The following PDE4D variants were observed in gnomAD, a reference collection of about 807,000 sequenced individuals.
PDE4D encodes phosphodiesterase 4D.
A neutral mutation model predicts 87.4 loss-of-function variants in PDE4D; 24 were observed. The observed-to-expected ratio is 0.27, with a 90% CI of 0.20 to 0.39. The LOEUF (loss-of-function observed/expected upper bound fraction) is 0.39, where lower values mean the gene tolerates loss of function less well. Ranked by LOEUF, PDE4D falls within the 10% of genes least tolerant of loss-of-function variation. PDE4D has a pLI of 1.00. For synonymous variants in PDE4D, 384 were observed against 383.2 expected (o/e 1.00, Z -0.02); for missense variants, 714 against 1,041.0 (o/e 0.69, Z 4.32).
chr5:59,994,781 T>A (rs1371296638), intron 2 of PDE4D, among the ~76,000 whole-genome samples: 1 of 152,178 alleles, frequency 6.6e-6, no homozygotes, highest in Non-Finnish European at 1.5e-5. Context: ...TCCACAAAAA[T>A]TTAGCATTTT....
At chr5:60,159,140 C>G (rs1242303998) in intron 2 of PDE4D, among the ~76,000 whole-genome samples, 3 of 152,064 alleles carry the variant, frequency 2.0e-5, no homozygotes, top group Non-Finnish European at 4.4e-5. Flanking sequence ...TTAGCCTAGG[C>G]CTACACAGGA....
At chr5:60,070,702 G>A (rs1014817008) in intron 2 of PDE4D, among the ~76,000 whole-genome samples, 6 of 151,872 alleles carry the variant, frequency 4.0e-5, no homozygotes, top group African/African-American at 1.2e-4. Context: ...TAATGAATTT[G>A]GACATGTTCC....
At chr5:59,285,819 T>C (rs1766836043) in intron 1 of PDE4D, among the ~76,000 whole-genome samples, 1 of 152,176 alleles carries the variant, frequency 6.6e-6, no homozygotes, top group South Asian at 2.1e-4. Flanking sequence ...TTGTGTCATC[T>C]TATAAAATCT....
rs367566726 is a variant in PDE4D at position 59,185,270 on chromosome 5, A to G, written c.685-8T>C. On this transcript the variant is annotated splice_polypyrimidine_tract_variant and splice_region_variant and intron_variant, in intron 3 of 14. Coordinates refer to ENST00000340635, the MANE Select transcript of PDE4D (RefSeq NM_001104631.2). The stretch of plus-strand genomic sequence containing the variant: ...TCGCAGACTGGCCAAGACCTACAAC[A>G]AGAAAGGATTCTTGAAACTTCTTGA... 4.9e-5 allele frequency: 79 copies of G among 1,598,902 alleles called. No individual in the cohort carries two copies. The African/African-American group carries it at 9.8e-4, about 20-fold the overall frequency.
intron 5 of PDE4D, chr5:59,166,297 T>C (rs1781917398): frequency 1.3e-5 from 2 of 152,222 alleles, no homozygotes; most frequent in Admixed American, 6.5e-5. Context: ...CAGGTTAATT[T>C]CCTCTGCTGC....
chr5:60,323,042 T>C (rs1756458483), intron 1 of PDE4D, among the ~76,000 whole-genome samples: 1 of 152,240 alleles, frequency 6.6e-6, no homozygotes, highest in South Asian at 2.1e-4. Context: ...TGTAGGTTGA[T>C]CTTCGTTCAC....
chr5:59,386,124 G>C (rs1041171468), intron 1 of PDE4D, among the ~76,000 whole-genome samples: 1 of 152,136 alleles, frequency 6.6e-6, no homozygotes, highest in African/African-American at 2.4e-5. Context: ...TTTAATTACA[G>C]ATAATATGAA....
At chr5:60,498,827 T>C (rs1749938677) in intron 1 of PDE4D, among the ~76,000 whole-genome samples, 1 of 152,186 alleles carries the variant, frequency 6.6e-6, no homozygotes, top group South Asian at 2.1e-4. Flanking sequence ...TATAAGGGCT[T>C]CTGCCTTAGC....
intron 5 of PDE4D, among the ~76,000 whole-genome samples, chr5:59,105,172 A>G (rs904713012): frequency 6.6e-6 from 1 of 152,220 alleles, no homozygotes; most frequent in Non-Finnish European, 1.5e-5. Context: ...TATACACCAT[A>G]TAGCCAAAAA....
At chr5:60,071,008 G>A (rs968895042) in intron 2 of PDE4D, among the ~76,000 whole-genome samples, 1 of 151,586 alleles carries the variant, frequency 6.6e-6, no homozygotes, top group Admixed American at 6.6e-5. Flanking sequence ...TTCTTATTTT[G>A]TGGCATCATT....
chr5:59,529,028 A>C, intron 1 of PDE4D: 9 of 474,072 alleles, frequency 1.9e-5, no homozygotes, highest in South Asian at 1.4e-4. Context: ...AACCAACTCT[A>C]ACCACCAAGG....
At chr5:60,415,158 T>C (rs1016145728) in intron 1 of PDE4D, among the ~76,000 whole-genome samples, 1 of 152,262 alleles carries the variant, frequency 6.6e-6, no homozygotes, top group African/African-American at 2.4e-5. Flanking sequence ...CAGCACCTAT[T>C]TCCTAGACCC....
chr5:59,375,066 C>T (rs1389023918), intron 1 of PDE4D, among the ~76,000 whole-genome samples: 1 of 152,066 alleles, frequency 6.6e-6, no homozygotes, highest in African/African-American at 2.4e-5. Flanking sequence ...GCATGAAATG[C>T]CCAAATCAAA....
At chr5:59,684,515 T>C (rs1456214794) in intron 1 of PDE4D, among the ~76,000 whole-genome samples, 1 of 152,152 alleles carries the variant, frequency 6.6e-6, no homozygotes, top group African/African-American at 2.4e-5. Context: ...GTAACCTTCA[T>C]GAAGGAAGTG....
chr5:59,927,131 T>G (rs1219073149), intron 3 of PDE4D, among the ~76,000 whole-genome samples: 1 of 152,146 alleles, frequency 6.6e-6, no homozygotes, highest in East Asian at 1.9e-4. Context: ...TGCATTTGAG[T>G]GTTTGAGCTG....
chr5:59,351,140 C>T (rs1341565885), intron 1 of PDE4D, among the ~76,000 whole-genome samples: 1 of 152,142 alleles, frequency 6.6e-6, no homozygotes. Flanking sequence ...TACATGCTTT[C>T]ATCTAATCTG....
chr5:60,141,911 T>G (rs1175224106), intron 2 of PDE4D, among the ~76,000 whole-genome samples: 3 of 152,144 alleles, frequency 2.0e-5, no homozygotes, highest in African/African-American at 7.2e-5. Context: ...ATTTGCTCAA[T>G]GAGTTTTTAA....
At chr5:59,291,553 T>A (rs567721184) in intron 1 of PDE4D, among the ~76,000 whole-genome samples, 2 of 151,914 alleles carry the variant, frequency 1.3e-5, no homozygotes, top group Non-Finnish European at 2.9e-5. Flanking sequence ...TTATTGTATG[T>A]TTTTTAAGCA....
At chr5:59,082,168 A>G (rs188747792) in intron 5 of PDE4D, among the ~76,000 whole-genome samples, 1 of 152,314 alleles carries the variant, frequency 6.6e-6, no homozygotes, top group African/African-American at 2.4e-5. Flanking sequence ...ATACAGTAGT[A>G]TATCACACTT....
Sources: allele counts gnomAD v4.1 joint callset (sites outside exome capture counted in the v4.1 genomes callset), GRCh38; gene constraint gnomAD v4.1.1; transcripts MANE v1.5; gene names NCBI Gene and HGNC (gene_info 2026-07-23, HGNC 2026-07-21).